Variants in PRIM2 observed in about 807,000 individuals in gnomAD.
PRIM2 encodes the protein DNA primase subunit 2.
In PRIM2, 39 loss-of-function variants were observed where a neutral mutation model predicts 67.3. The ratio of observed to expected loss-of-function variants is 0.58; its 90% CI spans 0.45 to 0.76. PRIM2 has a LOEUF of 0.76. Among genes scored for constraint, PRIM2 ranks in the 30% least tolerant of loss-of-function variants. The probability of loss-of-function intolerance (pLI) is 0.00; values close to 1 mark genes in which losing one functional copy is unlikely to be tolerated. For synonymous variants in PRIM2, 143 were observed against 198.7 expected (o/e 0.72, Z 2.36); for missense variants, 398 against 598.7 (o/e 0.66, Z 3.50).
At chr6:57,514,653 A>G (rs1160684407) in intron 8 of PRIM2, among the ~76,000 whole-genome samples, 2 of 151,996 alleles carry the variant, frequency 1.3e-5, no homozygotes, top group African/African-American at 2.4e-5. Context: ...TTGAATTACA[A>G]TTTTTTCACA....
intron 7 of PRIM2, among the ~76,000 whole-genome samples, chr6:57,476,879 G>C (rs1773490313): frequency 6.6e-6 from 1 of 151,992 alleles, no homozygotes; most frequent in African/African-American, 2.4e-5. Context: ...TCCCAAGTAG[G>C]TGGGATTACA....
intron 10 of PRIM2, among the ~76,000 whole-genome samples, chr6:57,564,115 C>G (rs1161964022): frequency 6.6e-6 from 1 of 152,140 alleles, no homozygotes; most frequent in Non-Finnish European, 1.5e-5. Flanking sequence ...TGCCCTTTAG[C>G]TAGTGTACTT....
the PRIM2 span, among the ~76,000 whole-genome samples, chr6:57,269,981 T>C: frequency 0.012 from 1,773 of 152,254 alleles, 40 homozygotes; most frequent in African/African-American, 0.04. Flanking sequence ...TTCTGTTCCA[T>C]TGGTCTATAT....
At chr6:57,591,285 C>T (rs1164341134) in intron 10 of PRIM2, among the ~76,000 whole-genome samples, 1 of 152,150 alleles carries the variant, frequency 6.6e-6, no homozygotes, top group Non-Finnish European at 1.5e-5. Context: ...AAGGTAGTGA[C>T]TCAAGACAAC....
chr6:57,268,621 CTTAT>C, the PRIM2 span, among the ~76,000 whole-genome samples: 1 of 150,950 alleles, frequency 6.6e-6, no homozygotes, highest in Non-Finnish European at 1.5e-5. Flanking sequence ...CCCACATTTA[CTTAT>C]TTATTTTTAA....
At chr6:57,228,121 T>C in the PRIM2 span, among the ~76,000 whole-genome samples, 4 of 152,184 alleles carry the variant, frequency 2.6e-5, no homozygotes, top group Non-Finnish European at 5.9e-5. Context: ...TGATATCTTA[T>C]AGAAGATCTA....
At position 57,469,980 on chromosome 6, in the gene PRIM2, C is replaced by T. The variant is rs1454159241; in HGVS notation, c.694-37407C>T. Reference sequence around the variant, plus strand: ...AACTACTCATTTAGAGCTTTATCTCCAATTTCTAGTACTTTGGAGGCTAAA... The same window carrying T: ...AACTACTCATTTAGAGCTTTATCTCTAATTTCTAGTACTTTGGAGGCTAAA... On this transcript the variant is annotated intron_variant, in intron 7 of 13. Coordinates refer to ENST00000615550, the MANE Select transcript of PRIM2 (RefSeq NM_000947.5). Among the ~76,000 whole-genome samples, 434 of 151,966 alleles carry T rather than the reference C, an allele frequency of 2.9e-3. 1 individual carries two copies. Among genetic ancestry groups the T allele is most frequent in the African/African-American group, 0.01 (417 of 41,524 alleles).
upstream of PRIM2, among the ~76,000 whole-genome samples, chr6:57,311,844 C>T (rs1020912172): frequency 1.8e-4 from 28 of 151,968 alleles, no homozygotes; most frequent in African/African-American, 6.3e-4. Context: ...CCGGTCAACA[C>T]GGCGAAACCC....
intron 10 of PRIM2, among the ~76,000 whole-genome samples, chr6:57,583,451 T>TA (rs1242852953): frequency 1.3e-5 from 2 of 151,034 alleles, no homozygotes; most frequent in Admixed American, 6.6e-5. Context: ...TTGCGATAGT[T>TA]TACTGAGAAT....
At chr6:57,537,049 A>G (rs1434130425) in intron 9 of PRIM2, among the ~76,000 whole-genome samples, 1 of 152,204 alleles carries the variant, frequency 6.6e-6, no homozygotes, top group Non-Finnish European at 1.5e-5. Context: ...TGTTTGTGAT[A>G]ATCTACTGTA....
the PRIM2 span, among the ~76,000 whole-genome samples, chr6:57,228,334 A>C: frequency 6.6e-6 from 1 of 152,228 alleles, no homozygotes; most frequent in Non-Finnish European, 1.5e-5. Flanking sequence ...CAAATCACAA[A>C]GTGCCTTCCT....
intron 8 of PRIM2, among the ~76,000 whole-genome samples, chr6:57,518,488 G>C (rs1403155390): frequency 4.6e-5 from 7 of 152,164 alleles, no homozygotes; most frequent in Non-Finnish European, 1.5e-5. Context: ...TGGCCATCTT[G>C]TGTACCACTA....
intron 8 of PRIM2, among the ~76,000 whole-genome samples, chr6:57,519,546 G>T (rs1174955703): frequency 6.6e-6 from 1 of 152,180 alleles, no homozygotes; most frequent in Non-Finnish European, 1.5e-5. Context: ...GCTCACCAGC[G>T]GTCAGAGTTT....
intron 4 of PRIM2, among the ~76,000 whole-genome samples, chr6:57,325,341 C>T (rs559540049): frequency 1.5e-4 from 23 of 150,788 alleles, no homozygotes; most frequent in African/African-American, 5.1e-4. Flanking sequence ...ATGCCATTAC[C>T]TAGGCTGGAG....
intron 10 of PRIM2, among the ~76,000 whole-genome samples, chr6:57,554,959 A>G (rs1292545230): frequency 1.3e-5 from 2 of 152,350 alleles, no homozygotes; most frequent in African/African-American, 2.4e-5. Context: ...TGTGAGTGCC[A>G]CAGTGAATGC....
intron 7 of PRIM2, among the ~76,000 whole-genome samples, chr6:57,424,482 G>A (rs1771558401): frequency 6.6e-6 from 1 of 152,146 alleles, no homozygotes; most frequent in Non-Finnish European, 1.5e-5. Flanking sequence ...AAGATAACAT[G>A]AGTAAGTGCT....
intron 5 of PRIM2, among the ~76,000 whole-genome samples, chr6:57,330,868 G>A (rs9357943): frequency 0.58 from 88,222 of 151,792 alleles, 25,705 homozygotes; most frequent in South Asian, 0.7. Flanking sequence ...AGATGATCAT[G>A]TGGTTTCTGT....
chr6:57,543,864 C>T (rs1775231233), intron 10 of PRIM2, among the ~76,000 whole-genome samples: 2 of 152,138 alleles, frequency 1.3e-5, no homozygotes, highest in East Asian at 3.9e-4. Flanking sequence ...TAACTGTCAT[C>T]CAAAGTATAA....
the PRIM2 span, among the ~76,000 whole-genome samples, chr6:57,274,720 C>T: frequency 6.6e-6 from 1 of 152,360 alleles, no homozygotes; most frequent in South Asian, 2.1e-4. Flanking sequence ...TCTTCTGCAT[C>T]ACTCACGCTG....
Sources: allele counts gnomAD v4.1 joint callset (sites outside exome capture counted in the v4.1 genomes callset), GRCh38; gene constraint gnomAD v4.1.1; transcripts MANE v1.5; gene names NCBI Gene and HGNC (gene_info 2026-07-23, HGNC 2026-07-21).